The following IMPACT variants were observed in gnomAD, a reference collection of about 807,000 sequenced individuals.
IMPACT encodes the protein impact RWD domain protein, also known as protein IMPACT.
In IMPACT, 35 loss-of-function variants were observed where a neutral mutation model predicts 47.5. That is an observed-to-expected ratio of 0.74 (90% CI 0.56 to 0.98). The LOEUF is 0.98. IMPACT is among the 50% of genes least tolerant of loss of function. The pLI is 0.00. For synonymous variants in IMPACT, 118 were observed against 125.6 expected (o/e 0.94, Z 0.40); for missense variants, 373 against 394.8 (o/e 0.94, Z 0.47).
chr18:24,442,346 G>T (rs189490753), intron 6 of IMPACT, among the ~76,000 whole-genome samples: 26 of 152,066 alleles, frequency 1.7e-4, no homozygotes, highest in Admixed American at 1.3e-3. Context: ...AGAGACGGGG[G>T]TTTCACCATG....
In IMPACT at chr18:24,449,941, C is replaced by A; in HGVS notation, c.882C>A (p.Tyr294Ter). 1.2e-6 allele frequency: 2 copies of A among 1,613,986 alleles called. No individual in the cohort carries two copies. Among genetic ancestry groups the A allele is most frequent in the Non-Finnish European group, 1.7e-6 (2 of 1,179,896 alleles). ...CARNILVEKNYTNSPEESSKA... is the reference protein window; with the variant it reads ...CARNILVEKN ...GAAACATACTAGTGGAAAAGAACTA[C>A]ACAAATTCACCTGTAAGTGGCTCTT... The change falls in exon 10 of 11, where the codon TAC (tyrosine) becomes TAA (stop). Residue 294 changes from tyrosine to a stop codon, truncating the protein, a stop_gained. Coordinates refer to ENST00000284202, the MANE Select transcript of IMPACT (RefSeq NM_018439.4). LOFTEE classifies it high-confidence loss of function.
At position 24,430,390 on chromosome 18, in the gene IMPACT, T is replaced by C. The variant is rs1442815317; in HGVS notation, c.281+6T>C. 1.9e-6 allele frequency: 3 copies of C among 1,585,850 alleles called. No homozygotes were observed. Among genetic ancestry groups the C allele is most frequent in the Non-Finnish European group, 2.6e-6 (3 of 1,167,334 alleles). On this transcript the variant is annotated splice_donor_region_variant and intron_variant, in intron 4 of 10. Coordinates refer to ENST00000284202, the MANE Select transcript of IMPACT (RefSeq NM_018439.4). ...AGCCTTGAGGAAATATATATGTAAG[T>C]GACAGGCGATTTTTTAAAATAATTC...
intron 8 of IMPACT, among the ~76,000 whole-genome samples, chr18:24,447,795 A>G (rs1464972063): frequency 1.3e-5 from 2 of 152,168 alleles, no homozygotes; most frequent in Non-Finnish European, 2.9e-5. Context: ...TGTTACTTCA[A>G]GGTTAAATGA....
Position 24,452,370 on chromosome 18 carries a change from A to G in IMPACT, c.*1523A>G, listed in dbSNP as rs1377014374. 1.3e-5 allele frequency: 2 copies of G among 152,182 alleles called. No homozygotes were observed. The highest frequency in any genetic ancestry group is 4.8e-5 in the African/African-American group (2 of 41,460). The allele number at this position is 152,182 out of a possible 1,614,324, so 9.4% of individuals were successfully genotyped here. On this transcript the variant is annotated 3_prime_UTR_variant, in exon 11 of 11. Coordinates refer to ENST00000284202, the MANE Select transcript of IMPACT (RefSeq NM_018439.4). ...TGGAACACTTGGTTCCATGAAAAGT[A>G]TGCTTTGTGTTTTAACTGTTAAAAT...
intron 7 of IMPACT, among the ~76,000 whole-genome samples, chr18:24,444,661 C>T (rs1224311962): frequency 2.0e-5 from 3 of 152,198 alleles, no homozygotes; most frequent in South Asian, 2.1e-4. Context: ...GTAAAGCTTC[C>T]TGAACTTTTC....
Position 24,449,816 on chromosome 18 carries a change from C to T in IMPACT, c.760-3C>T. ...ATCTAATTATGCTTCCAAAAAATAA[C>T]AGATTTTGAATGTGAAGAATGTCAT... On this transcript the variant is annotated splice_polypyrimidine_tract_variant and splice_region_variant and intron_variant, in intron 9 of 10. Transcript: ENST00000284202. 1 of 1,610,582 alleles carries T rather than the reference C, an allele frequency of 6.2e-7. No individual in the cohort carries two copies. Among genetic ancestry groups the T allele is most frequent in the African/African-American group, 1.3e-5 (1 of 74,922 alleles).
chr18:24,426,792 G>A lies in IMPACT; in HGVS notation c.36G>A (p.Gln12=), dbSNP rs1464508735. 1.6e-6 allele frequency: 2 copies of A among 1,240,042 alleles called. No individual in the cohort carries two copies. Among genetic ancestry groups the A allele is most frequent in the Non-Finnish European group, 2.0e-6 (2 of 988,858 alleles). 76.8% of individuals were successfully genotyped at this position (1,240,042 alleles called of 1,614,324 possible). ...AEGDAGSDQR[Q]NEEIEAMAAI... ...GGGACGCAGGGAGCGACCAGAGGCA[G>A]GTGAGGCCCCGGCGGGGTGCTGTCT... Residue 12 remains glutamine, a splice_region_variant and synonymous_variant, in exon 1 of 11, where the codon CAG becomes CAA. Transcript: ENST00000284202.
chr18:24,443,760 A>G (rs1052678781), intron 7 of IMPACT, among the ~76,000 whole-genome samples: 17 of 152,146 alleles, frequency 1.1e-4, no homozygotes, highest in African/African-American at 4.1e-4. Flanking sequence ...ATTTCCACCC[A>G]GGGATATAAA....
At chr18:24,440,878 AC>A (rs1820859308) in intron 6 of IMPACT, among the ~76,000 whole-genome samples, 2 of 152,220 alleles carry the variant, frequency 1.3e-5, no homozygotes, top group Admixed American at 6.5e-5. Context: ...AGAAATTGAA[AC>A]TAAGAAAGGC....
chr18:24,438,509 C>T lies in IMPACT; in HGVS notation c.367+469C>T, dbSNP rs536067016. On this transcript the variant is annotated intron_variant, in intron 5 of 10. Transcript: ENST00000284202. ...TGTTCAGTGTTTCCTTGACTTATAA[C>T]CTTGACACTTATGAAGACTACTGAT... is the stretch of plus-strand genomic sequence containing the variant. Among the ~76,000 whole-genome samples the T allele has an allele frequency of 5.3e-5, 8 of 152,264 alleles. No homozygotes were observed. The East Asian group carries it at 1.5e-3, about 29-fold the overall frequency.
At chr18:24,435,296 T>C (rs968120519) in intron 4 of IMPACT, 4 of 152,208 alleles carry the variant, frequency 2.6e-5, no homozygotes, top group African/African-American at 9.6e-5. Context: ...ATATTTTGCA[T>C]GTGAATATTT....
intron 4 of IMPACT, among the ~76,000 whole-genome samples, chr18:24,435,765 AT>A (rs1369057913): frequency 6.6e-6 from 1 of 152,182 alleles, no homozygotes; most frequent in Non-Finnish European, 1.5e-5. Context: ...ATATTGAGTT[AT>A]TGTTGAGTTT....
At position 24,437,936 on chromosome 18, in the gene IMPACT, T is replaced by C. The variant is rs768123693; in HGVS notation, c.282-19T>C. 9.7e-6 allele frequency: 12 copies of C among 1,242,048 alleles called. No homozygotes were observed. Among genetic ancestry groups the C allele is most frequent in the East Asian group, 4.7e-5 (2 of 42,472 alleles). 76.9% of individuals were successfully genotyped at this position (1,242,048 alleles called of 1,614,324 possible). A position where few individuals can be genotyped will look rare whatever the true frequency, so the allele number is the denominator to read the frequency against. ...ATTTTTGAAATAACAATTTTTTTTTTCCCCTGAATTTTGTTTAGTCAGAAT... is the reference window on the plus strand; with the variant it reads ...ATTTTTGAAATAACAATTTTTTTTTCCCCCTGAATTTTGTTTAGTCAGAAT... On this transcript the variant is annotated intron_variant, in intron 4 of 10. Transcript: ENST00000284202.
At chr18:24,446,559 C>T (rs674999) in intron 8 of IMPACT, among the ~76,000 whole-genome samples, 141,990 of 152,244 alleles carry the variant, frequency 0.93, 66,472 homozygotes, top group African/African-American at 0.98. Context: ...AATCAGAACA[C>T]AGGGACTTGG....
At position 24,440,470 on chromosome 18, in the gene IMPACT, A is replaced by G. The variant is rs769620880; in HGVS notation, c.368-26A>G. On this transcript the variant is annotated intron_variant, in intron 5 of 10. Transcript: ENST00000284202. ...GCATCGTTTCTTACCTGCGTCATAA[A>G]GTAATTGTGTCTCATATTCACATAG... 1.2e-5 allele frequency: 20 copies of G among 1,604,602 alleles called. No homozygotes were observed. In the South Asian group the frequency reaches 2.2e-4, roughly 18 times the overall value.
intron 3 of IMPACT, among the ~76,000 whole-genome samples, chr18:24,429,327 C>T (rs984304395): frequency 1.1e-4 from 16 of 152,168 alleles, no homozygotes; most frequent in African/African-American, 3.6e-4. Context: ...TCTGGTGTTT[C>T]TCCCTGCCCC....
chr18:24,449,386 A>C (rs532978368), intron 9 of IMPACT, among the ~76,000 whole-genome samples: 1 of 152,268 alleles, frequency 6.6e-6, no homozygotes, highest in South Asian at 2.1e-4. Flanking sequence ...ATGAAACCTT[A>C]CTAATAGCAC....
chr18:24,430,284 C>G (rs1254006187), intron 3 of IMPACT, 38 bp from the exon 4 acceptor site: 1 of 1,424,826 alleles, frequency 7.0e-7, no homozygotes. Context: ...TAAACATAAT[C>G]CTTGAATAAT....
At position 24,431,109 on chromosome 18, in the gene IMPACT, A is replaced by G. The variant is rs184191207; in HGVS notation, c.281+725A>G. 5.8e-4 allele frequency among the ~76,000 whole-genome samples: 89 copies of G among 152,292 alleles called. 1 individual carries two copies. The highest frequency in any genetic ancestry group is 1.3e-3 in the Admixed American group (20 of 15,286). On this transcript the variant is annotated intron_variant, in intron 4 of 10. Transcript: ENST00000284202. ...TTAGAATTTATGGTGTGGCAGAGAT[A>G]TTACTTATAATATTGTAAAAATGAA... is the stretch of plus-strand genomic sequence containing the variant.
Sources: allele counts gnomAD v4.1 joint callset (sites outside exome capture counted in the v4.1 genomes callset), GRCh38; gene constraint gnomAD v4.1.1; transcripts MANE v1.5; gene names NCBI Gene and HGNC (gene_info 2026-07-23, HGNC 2026-07-21).